The following SLC12A1 variants were observed in gnomAD, a reference collection of about 807,000 sequenced individuals.
SLC12A1 encodes Na-K-2Cl cotransporter.
SLC12A1 carries 89 observed loss-of-function variants against 130.4 expected under a neutral mutation model. The ratio of observed to expected loss-of-function variants is 0.68; its 90% CI spans 0.58 to 0.81. The LOEUF (loss-of-function observed/expected upper bound fraction) is 0.81, where lower values mean the gene tolerates loss of function less well. SLC12A1 is among the 40% of genes least tolerant of loss of function. The pLI is 0.00. For synonymous variants in SLC12A1, 499 were observed against 460.0 expected (o/e 1.08, Z -1.09); for missense variants, 1,310 against 1,336.4 (o/e 0.98, Z 0.31).
intron 12 of SLC12A1, 146 bp from the exon 13 acceptor site, chr15:48,247,191 T>C: frequency 1.1e-6 from 1 of 928,398 alleles, no homozygotes; most frequent in South Asian, 1.6e-5. Flanking sequence ...ATTCAAATAA[T>C]ATAAAGAATG....
chr15:48,208,786 T>C (rs188809784), intron 2 of SLC12A1, among the ~76,000 whole-genome samples: 1 of 152,342 alleles, frequency 6.6e-6, no homozygotes, highest in African/African-American at 2.4e-5. Context: ...GTCAATCGTA[T>C]AAAAAGCAAA....
At chr15:48,298,061 G>A (rs2042196583) in intron 24 of SLC12A1, among the ~76,000 whole-genome samples, 1 of 152,168 alleles carries the variant, frequency 6.6e-6, no homozygotes, top group Non-Finnish European at 1.5e-5. Context: ...CACTAGTAGG[G>A]ACAATCCTGC....
intron 2 of SLC12A1, among the ~76,000 whole-genome samples, chr15:48,213,669 A>AATTTT (rs1173103386): frequency 6.6e-6 from 1 of 151,748 alleles, no homozygotes; most frequent in Non-Finnish European, 1.5e-5. Flanking sequence ...ATGCCCGGCT[A>AATTTT]ATTTTGTTTT....
chr15:48,291,143 AC>A (rs1356396094), intron 23 of SLC12A1, among the ~76,000 whole-genome samples: 1 of 151,874 alleles, frequency 6.6e-6, no homozygotes, highest in Non-Finnish European at 1.5e-5. Flanking sequence ...ATCAAACGGG[AC>A]AAAATATAAA....
intron 17 of SLC12A1, among the ~76,000 whole-genome samples, chr15:48,261,404 G>C (rs547510029): frequency 6.6e-6 from 1 of 152,292 alleles, no homozygotes; most frequent in African/African-American, 2.4e-5. Flanking sequence ...CAATGGCCCT[G>C]TTTGTTTGAC....
intron 15 of SLC12A1, among the ~76,000 whole-genome samples, chr15:48,252,230 A>G (rs887684252): frequency 6.6e-6 from 1 of 151,790 alleles, no homozygotes; most frequent in Non-Finnish European, 1.5e-5. Context: ...AATAAGAATA[A>G]CAATAGTTAA....
At chr15:48,227,254 T>G in intron 5 of SLC12A1, 1 of 1,047,958 alleles carries the variant, frequency 9.5e-7, no homozygotes, top group Non-Finnish European at 1.4e-6. Flanking sequence ...GAAGTGAAAG[T>G]AACATATTGC....
intron 13 of SLC12A1, 65 bp downstream of exon 13, chr15:48,247,525 C>A: frequency 7.9e-7 from 1 of 1,267,062 alleles, no homozygotes; most frequent in Non-Finnish European, 1.1e-6. Context: ...ATAGGGCTTT[C>A]CTTTTAGTTT....
rs2042082823 is a variant in SLC12A1, at chr15:48,288,432, T to C, written c.2789T>C (p.Leu930Ser). The change falls in exon 23 of 27, where the codon TTA becomes TCA. Residue 930 changes from leucine to serine, a missense_variant. Transcript: ENST00000380993. ...GGLTLLIPYI[L>S]TLRKKWKDCK... ...TTAACACTTCTTATCCCCTATATCTTAACTCTCAGAAAAAAATGGAAAGAC... is the reference window on the plus strand; with the variant it reads ...TTAACACTTCTTATCCCCTATATCTCAACTCTCAGAAAAAAATGGAAAGAC... The C allele has an allele frequency of 1.3e-6, 2 of 1,541,106 alleles. No individual in the cohort carries two copies. The highest frequency in any genetic ancestry group is 2.7e-5 in the African/African-American group (2 of 73,166).
At chr15:48,265,533 T>C (rs1358740065) in intron 17 of SLC12A1, among the ~76,000 whole-genome samples, 1 of 152,244 alleles carries the variant, frequency 6.6e-6, no homozygotes, top group Non-Finnish European at 1.5e-5. Flanking sequence ...TGATTCAAAA[T>C]GCATTGACAA....
Position 48,247,379 on chromosome 15 carries a change from G to A in SLC12A1, c.1603G>A (p.Ala535Thr), listed in dbSNP as rs376791515. Residue 535 changes from alanine to threonine, a missense_variant, in exon 13 of 27, where the codon GCA becomes ACA. By Grantham distance (58) the Ala-to-Thr change is moderately conservative. Transcript: ENST00000380993. Reference sequence around the variant, plus strand: ...CATCTACAAAGCCCTGCAGTTTTTTGCAAAGGGATATGGGAAAAACAATGA... The same window carrying A: ...CATCTACAAAGCCCTGCAGTTTTTTACAAAGGGATATGGGAAAAACAATGA... ...DNIYKALQFF[A>T]KGYGKNNEPL... 5 of 1,612,952 alleles carry A rather than the reference G, an allele frequency of 3.1e-6. No homozygotes were observed. The highest frequency in any genetic ancestry group is 4.2e-6 in the Non-Finnish European group (5 of 1,179,324).
intron 24 of SLC12A1, among the ~76,000 whole-genome samples, chr15:48,295,918 T>C (rs556161185): frequency 1.3e-5 from 2 of 152,296 alleles, no homozygotes; most frequent in South Asian, 2.1e-4. Flanking sequence ...GACAGTATGG[T>C]CATTCAATAA....
chr15:48,222,934 C>T (rs1830032706), intron 4 of SLC12A1: 1 of 152,136 alleles, frequency 6.6e-6, no homozygotes, highest in African/African-American at 2.4e-5. Context: ...GTCTTGTTCC[C>T]AAAAGCAAAG....
At chr15:48,246,048 G>T (rs747570963) in intron 11 of SLC12A1, among the ~76,000 whole-genome samples, 4 of 152,234 alleles carry the variant, frequency 2.6e-5, no homozygotes, top group Admixed American at 6.5e-5. Flanking sequence ...AAGTAAATTT[G>T]TCGCGAAAGC....
chr15:48,294,397 T>C (rs1177635926), intron 24 of SLC12A1, among the ~76,000 whole-genome samples: 3 of 151,748 alleles, frequency 2.0e-5, no homozygotes, highest in Non-Finnish European at 4.4e-5. Flanking sequence ...ACATTAACTG[T>C]GATCAGAAAG....
rs570863388 is a variant in SLC12A1, at chr15:48,261,359, A to G, written c.2154+2048A>G. Reference sequence around the variant, plus strand: ...TACAGGAGGATAGTGCTGGAATATCATTTCATTTGAAGTAGGCACCTCAGT... The same window carrying G: ...TACAGGAGGATAGTGCTGGAATATCGTTTCATTTGAAGTAGGCACCTCAGT... On this transcript the variant is annotated intron_variant, in intron 17 of 26. Coordinates refer to ENST00000380993, the MANE Select transcript of SLC12A1 (RefSeq NM_000338.3). Among the ~76,000 whole-genome samples, 17 of 152,316 alleles carry G rather than the reference A, an allele frequency of 1.1e-4. 1 individual carries two copies. Among genetic ancestry groups the G allele is most frequent in the Middle Eastern group, 3.4e-3 (1 of 294 alleles).
At chr15:48,244,644 A>G (rs1388528245) in intron 10 of SLC12A1, 109 bp from the exon 11 acceptor site, 1 of 1,062,722 alleles carries the variant, frequency 9.4e-7, no homozygotes. Flanking sequence ...CAGTGAACAG[A>G]GGCTAAGAAA....
At chr15:48,253,607 G>A (rs565242194) in intron 15 of SLC12A1, among the ~76,000 whole-genome samples, 1 of 152,266 alleles carries the variant, frequency 6.6e-6, no homozygotes, top group Admixed American at 6.5e-5. Context: ...ATGGTCATCT[G>A]AGTTGTTTTC....
rs2042081243 is a variant in SLC12A1 at position 48,288,301 on chromosome 15, A to G, written c.2762-104A>G. ...ATTTCTGTGTTCTCCAAAGACTATAACTTAATTAAGAGCTATCAATGTGGT... is the reference window on the plus strand; with the variant it reads ...ATTTCTGTGTTCTCCAAAGACTATAGCTTAATTAAGAGCTATCAATGTGGT... On this transcript the variant is annotated intron_variant, in intron 22 of 26. Coordinates refer to ENST00000380993, the MANE Select transcript of SLC12A1 (RefSeq NM_000338.3). 3 of 1,148,032 alleles carry G rather than the reference A, an allele frequency of 2.6e-6. No individual in the cohort carries two copies. The South Asian group carries it at 4.6e-5, about 17-fold the overall frequency. The allele number at this position is 1,148,032 out of a possible 1,614,324, so 71.1% of individuals were successfully genotyped here. A position where few individuals can be genotyped will look rare whatever the true frequency, so the allele number is the denominator to read the frequency against.
Sources: allele counts gnomAD v4.1 joint callset (sites outside exome capture counted in the v4.1 genomes callset), GRCh38; gene constraint gnomAD v4.1.1; transcripts MANE v1.5; gene names NCBI Gene and HGNC (gene_info 2026-07-23, HGNC 2026-07-21).